Variants in BMPR1B observed in about 807,000 individuals in gnomAD.
BMPR1B encodes bone morphogenetic protein receptor type-1B.
In BMPR1B, 12 loss-of-function variants were observed where a neutral mutation model predicts 59.1. That is an observed-to-expected ratio of 0.20 (90% confidence interval 0.13 to 0.33). BMPR1B has a LOEUF of 0.33. BMPR1B is among the 10% of genes least tolerant of loss of function. The pLI is 1.00. For synonymous variants in BMPR1B, 237 were observed against 207.3 expected, an observed-to-expected ratio of 1.14 and a Z score of -1.23; for missense variants, 550 against 610.9, an observed-to-expected ratio of 0.90 and a Z score of 1.05.
At chr4:95,120,739 GTCTC>G (rs1560669578) in intron 6 of BMPR1B, among the ~76,000 whole-genome samples, 1 of 135,924 alleles carries the variant, frequency 7.4e-6, no homozygotes, top group Non-Finnish European at 1.6e-5. Context: ...CTTTCTGTCT[GTCTC>G]TCTCTTTCTC....
chr4:95,042,697 A>G (rs957913203), intron 3 of BMPR1B, among the ~76,000 whole-genome samples: 1 of 152,188 alleles, frequency 6.6e-6, no homozygotes, highest in Admixed American at 6.5e-5. Flanking sequence ...GATCATTATC[A>G]TTGTTGTCAT....
chr4:94,993,972 G>A (rs896482156), intron 2 of BMPR1B, among the ~76,000 whole-genome samples: 2 of 152,104 alleles, frequency 1.3e-5, no homozygotes, highest in Admixed American at 1.3e-4. Context: ...AGATGCTATT[G>A]AGTATATTTA....
At chr4:94,968,965 C>G (rs17022725) in intron 2 of BMPR1B, among the ~76,000 whole-genome samples, 5 of 152,186 alleles carry the variant, frequency 3.3e-5, no homozygotes, top group Admixed American at 1.3e-4. Context: ...CAGCTTTACC[C>G]TGTTCCTTTT....
intron 3 of BMPR1B, among the ~76,000 whole-genome samples, chr4:95,010,735 G>GA (rs1238058942): frequency 6.6e-6 from 1 of 152,098 alleles, no homozygotes; most frequent in Non-Finnish European, 1.5e-5. Context: ...TATGTCTTAT[G>GA]ATAAGAAAAC....
At chr4:94,771,292 A>G (rs892615177) in intron 1 of BMPR1B, among the ~76,000 whole-genome samples, 1 of 152,194 alleles carries the variant, frequency 6.6e-6, no homozygotes, top group Non-Finnish European at 1.5e-5. Flanking sequence ...GTAGTGCTGG[A>G]TTCTAATGTA....
At chr4:94,785,035 A>G (rs994128675) in intron 1 of BMPR1B, among the ~76,000 whole-genome samples, 5 of 152,214 alleles carry the variant, frequency 3.3e-5, no homozygotes, top group Non-Finnish European at 7.3e-5. Context: ...TGGAGCAAAC[A>G]CTGACCCATG....
intron 10 of BMPR1B, among the ~76,000 whole-genome samples, chr4:95,140,206 G>A (rs750726563): frequency 2.5e-4 from 38 of 152,176 alleles, no homozygotes; most frequent in Non-Finnish European, 5.1e-4. Context: ...CCCCTTGAAA[G>A]TAGATAACAT....
chr4:95,096,204 T>C (rs1264816832), intron 3 of BMPR1B, among the ~76,000 whole-genome samples: 1 of 151,684 alleles, frequency 6.6e-6, no homozygotes, highest in African/African-American at 2.4e-5. Context: ...TCCACTGTTT[T>C]CAATTAAATA....
chr4:95,035,206 T>A (rs1255354870), intron 3 of BMPR1B, among the ~76,000 whole-genome samples: 1 of 152,172 alleles, frequency 6.6e-6, no homozygotes, highest in African/African-American at 2.4e-5. Flanking sequence ...AGTTTATGAA[T>A]ATTTTCTCCC....
chr4:94,812,081 G>C (rs1219579614), intron 1 of BMPR1B, among the ~76,000 whole-genome samples: 1 of 152,132 alleles, frequency 6.6e-6, no homozygotes, highest in African/African-American at 2.4e-5. Flanking sequence ...TATGTGGTCT[G>C]CTTGCCAGAG....
At chr4:94,777,569 A>G (rs998689504) in intron 1 of BMPR1B, among the ~76,000 whole-genome samples, 3 of 152,190 alleles carry the variant, frequency 2.0e-5, no homozygotes, top group African/African-American at 7.2e-5. Flanking sequence ...CTTGTAGTCA[A>G]TGGCAGAAGT....
intron 9 of BMPR1B, among the ~76,000 whole-genome samples, chr4:95,130,278 C>G (rs529975521): frequency 6.6e-6 from 1 of 152,246 alleles, no homozygotes; most frequent in Non-Finnish European, 1.5e-5. Flanking sequence ...ATGGAATACT[C>G]TCAAATATTT....
chr4:95,064,638 T>C (rs1309992853), intron 3 of BMPR1B, among the ~76,000 whole-genome samples: 1 of 152,156 alleles, frequency 6.6e-6, no homozygotes, highest in East Asian at 1.9e-4. Flanking sequence ...ATGTATCTTA[T>C]AACACCCATG....
chr4:95,007,262 T>G (rs1722911211), intron 3 of BMPR1B, among the ~76,000 whole-genome samples: 1 of 152,178 alleles, frequency 6.6e-6, no homozygotes, highest in Non-Finnish European at 1.5e-5. Context: ...GACTTTTTCA[T>G]TAGTAATATC....
chr4:94,951,286 C>T (rs1014014609), intron 2 of BMPR1B, among the ~76,000 whole-genome samples: 14 of 152,146 alleles, frequency 9.2e-5, no homozygotes, highest in Middle Eastern at 3.2e-3. Flanking sequence ...CCTGATTGCC[C>T]TGGCCAGAAC....
At chr4:94,852,597 T>C (rs1026113563) in intron 1 of BMPR1B, among the ~76,000 whole-genome samples, 2 of 152,130 alleles carry the variant, frequency 1.3e-5, no homozygotes, top group African/African-American at 2.4e-5. Context: ...TTTAGCTGTT[T>C]TACAGGGTCG....
At chr4:94,987,762 T>C (rs1721506710) in intron 2 of BMPR1B, among the ~76,000 whole-genome samples, 1 of 152,230 alleles carries the variant, frequency 6.6e-6, no homozygotes, top group Admixed American at 6.5e-5. Context: ...GGCAGTTTTT[T>C]TTTTCTAGAC....
intron 1 of BMPR1B, among the ~76,000 whole-genome samples, chr4:94,866,077 C>T (rs1454983267): frequency 6.6e-6 from 1 of 152,172 alleles, no homozygotes; most frequent in Non-Finnish European, 1.5e-5. Context: ...ATTGGTGACA[C>T]TATAAATTCA....
At chr4:95,130,806 C>T (rs78351327) in intron 9 of BMPR1B, among the ~76,000 whole-genome samples, 3 of 141,262 alleles carry the variant, frequency 2.1e-5, no homozygotes, top group African/African-American at 5.3e-5. Context: ...TCTCCGCTCA[C>T]GGTAATCTCT....
Sources: allele counts gnomAD v4.1 joint callset (sites outside exome capture counted in the v4.1 genomes callset), GRCh38; gene constraint gnomAD v4.1.1; transcripts MANE v1.5; gene names NCBI Gene and HGNC (gene_info 2026-07-23, HGNC 2026-07-21).